SH3GLB2: variants seen among roughly 807,000 people sequenced by gnomAD.
The protein encoded by SH3GLB2 is endophilin-B2.
Under a neutral mutation model 48.0 loss-of-function variants are expected in SH3GLB2, and 24 were observed. The ratio of observed to expected loss-of-function variants is 0.50; its 90% CI spans 0.36 to 0.70. The LOEUF is 0.70. SH3GLB2 is among the 30% of genes least tolerant of loss of function. The pLI, the probability that SH3GLB2 is intolerant of heterozygous loss-of-function variation, is 0.00. For synonymous variants in SH3GLB2, 227 were observed against 207.6 expected, an observed-to-expected ratio of 1.09 and a Z score of -0.80; for missense variants, 425 against 516.0, an observed-to-expected ratio of 0.82 and a Z score of 1.71.
intron 8 of SH3GLB2, 26 bp downstream of exon 8, chr9:129,010,094 T>C: frequency 6.2e-7 from 1 of 1,603,108 alleles, no homozygotes; most frequent in Non-Finnish European, 8.5e-7. Context: ...GGGTTAGGTT[T>C]AGTGAGGGTG....
chr9:129,023,990 A>G (rs1564586277), intron 1 of SH3GLB2, among the ~76,000 whole-genome samples: 1 of 152,206 alleles, frequency 6.6e-6, no homozygotes, highest in African/African-American at 2.4e-5. Context: ...CCAAGGCTCG[A>G]AGAGGCAAAG....
At chr9:129,022,901 A>G (rs1843898728) in intron 1 of SH3GLB2, among the ~76,000 whole-genome samples, 1 of 152,138 alleles carries the variant, frequency 6.6e-6, no homozygotes, top group East Asian at 1.9e-4. Flanking sequence ...GAGGGAGAGG[A>G]AGAACCCAGG....
intron 3 of SH3GLB2, among the ~76,000 whole-genome samples, chr9:129,020,733 G>C (rs1368370793): frequency 2.0e-5 from 3 of 151,830 alleles, no homozygotes; most frequent in Admixed American, 2.0e-4. Flanking sequence ...AGCCAGGCGT[G>C]GTCACGGGCG....
In SH3GLB2 at chr9:129,010,103, T is replaced by TG. The variant is rs768594101; in HGVS notation, c.738+16dup. On this transcript the variant is annotated intron_variant, in intron 8 of 10. Coordinates refer to ENST00000372564, the MANE Select transcript of SH3GLB2 (RefSeq NM_020145.4). ...TGCTGAGGGTTAGGTTTAGTGAGGG[T>TG]GGGCAGTGGGACTCACGTGAGTGCT... 2 of 1,609,294 alleles carry TG rather than the reference T, an allele frequency of 1.2e-6. No individual in the cohort carries two copies. The highest frequency in any genetic ancestry group is 1.7e-6 in the Non-Finnish European group (2 of 1,175,768).
In SH3GLB2 at chr9:129,028,107, G is replaced by T; in HGVS notation, c.48C>A (p.Phe16Leu). 6.7e-7 allele frequency: 1 copy of T among 1,500,522 alleles called. No homozygotes were observed. Among genetic ancestry groups the T allele is most frequent in the Non-Finnish European group, 8.9e-7 (1 of 1,127,594 alleles). The allele number at this position is 1,500,522 out of a possible 1,614,324, so 93.0% of individuals were successfully genotyped here. ...CAGGCCTCACCTGCACCGCCCGGGT[G>T]AAGAAGATGCCCGCGTCCGACGCCA... The part of the protein sequence containing the change: ...KKLASDAGIF[F>L]TRAVQFTEEK... The change falls in exon 1 of 11, where the codon TTC (phenylalanine) becomes TTA (leucine). Residue 16 changes from phenylalanine (F) to leucine (L), a missense_variant. Physicochemically the swap from Phe to Leu is conservative, Grantham distance 22. Coordinates refer to ENST00000372564, the MANE Select transcript of SH3GLB2 (RefSeq NM_020145.4).
intron 3 of SH3GLB2, among the ~76,000 whole-genome samples, chr9:129,015,487 G>T (rs1183827256): frequency 6.6e-6 from 1 of 151,918 alleles, no homozygotes; most frequent in Non-Finnish European, 1.5e-5. Flanking sequence ...TGTAATCTCA[G>T]CACTTTGGAA....
At chr9:129,018,388 C>A (rs200115624) in intron 3 of SH3GLB2, among the ~76,000 whole-genome samples, 1 of 151,502 alleles carries the variant, frequency 6.6e-6, no homozygotes, top group East Asian at 1.9e-4. Flanking sequence ...CCAGCCTGGC[C>A]AACATGGTGA....
rs1345779302 is a variant in SH3GLB2 at position 129,021,218 on chromosome 9, A to C, written c.207T>G (p.Ser69Arg). 1 of 1,601,334 alleles carries C rather than the reference A, an allele frequency of 6.2e-7. No homozygotes were observed. The highest frequency in any genetic ancestry group is 8.5e-7 in the Non-Finnish European group (1 of 1,175,716). The change falls in exon 3 of 11, where the codon AGT (serine) becomes AGG (arginine). Residue 69 changes from serine (S) to arginine (R), a missense_variant and splice_region_variant. Physicochemically the swap from Ser to Arg is moderately radical, Grantham distance 110. Transcript: ENST00000372564. ...CATACAGGAACTCCTCCACTCGGGC[A>C]CCTGTGGGGAGACAGCAGCCAAAGC... ...QTEVLLQPNP[S>R]ARVEEFLYEK...
intron 5 of SH3GLB2, chr9:129,012,991 G>A (rs1843212808): frequency 1.3e-6 from 2 of 1,550,972 alleles, no homozygotes; most frequent in Admixed American, 2.0e-5. Flanking sequence ...CACAGCGCGT[G>A]GGACAGGTAT....
intron 7 of SH3GLB2, 109 bp from the exon 8 acceptor site, chr9:129,010,318 C>G (rs1052153293): frequency 1.1e-6 from 1 of 911,508 alleles, no homozygotes; most frequent in Non-Finnish European, 1.7e-6. Context: ...CCTGGGAACA[C>G]AGAGAGCCTT....
In SH3GLB2 at chr9:129,014,997, A is replaced by G. The variant is rs1263438394; in HGVS notation, c.335-93T>C. On this transcript the variant is annotated intron_variant, in intron 3 of 10. Transcript: ENST00000372564. This position sits in a 1 kb window ranked among gnomAD's most constrained non-coding sequence, Gnocchi z 4.1. Reference sequence around the variant, plus strand: ...GCTCAGGAAGAGCTTGCTGAAGAGCAAGGGCCGGGGTGCTCAGTGCAGAAT... The same window carrying G: ...GCTCAGGAAGAGCTTGCTGAAGAGCGAGGGCCGGGGTGCTCAGTGCAGAAT... The G allele has an allele frequency of 1.1e-5, 17 of 1,517,158 alleles. No individual in the cohort carries two copies. The Admixed American group carries it at 1.4e-4, about 13-fold the overall frequency. 94.0% of individuals were successfully genotyped at this position (1,517,158 alleles called of 1,614,324 possible).
In SH3GLB2 at chr9:129,014,353, C is replaced by T; in HGVS notation, c.561+58G>A. ...AATACCAGGTCCCTTCATGCCACCA[C>T]CCCTTGGCTCCAGCCAGAGCCTGGG... On this transcript the variant is annotated intron_variant, in intron 5 of 10. Transcript: ENST00000372564. The surrounding 1 kb of genome is among the most constrained non-coding windows in gnomAD (Gnocchi z 4.1). 5 of 1,487,642 alleles carry T rather than the reference C, an allele frequency of 3.4e-6. No homozygotes were observed. Among genetic ancestry groups the T allele is most frequent in the African/African-American group, 1.4e-5 (1 of 71,870 alleles). 92.2% of individuals were successfully genotyped at this position (1,487,642 alleles called of 1,614,324 possible).
Position 129,021,199 on chromosome 9 carries a change from G to A in SH3GLB2, c.226C>T (p.Leu76=). 6.2e-7 allele frequency: 1 copy of A among 1,610,162 alleles called. No homozygotes were observed. The part of the protein sequence containing the change: ...PNPSARVEEF[L]YEKLDRKVPS... Reference sequence around the variant, plus strand: ...ACCTTCCTGTCCAGCTTCTCATACAGGAACTCCTCCACTCGGGCACCTGTG... The same window carrying A: ...ACCTTCCTGTCCAGCTTCTCATACAAGAACTCCTCCACTCGGGCACCTGTG... Residue 76 remains leucine, a synonymous_variant, in exon 3 of 11, where the codon CTG becomes TTG. Coordinates refer to ENST00000372564, the MANE Select transcript of SH3GLB2 (RefSeq NM_020145.4).
At chr9:129,013,696 C>T (rs1843254428) in intron 5 of SH3GLB2, 1 of 197,038 alleles carries the variant, frequency 5.1e-6, no homozygotes, top group Non-Finnish European at 1.1e-5. Context: ...TAGCCATCTC[C>T]CTAGTAGGCC....
In SH3GLB2 at chr9:129,008,604, C is replaced by A; in HGVS notation, c.*80G>T. The A allele has an allele frequency of 9.1e-7, 1 of 1,093,140 alleles. No individual in the cohort carries two copies. Among genetic ancestry groups the A allele is most frequent in the Non-Finnish European group, 1.4e-6 (1 of 723,260 alleles). 67.7% of individuals were successfully genotyped at this position (1,093,140 alleles called of 1,614,324 possible). On this transcript the variant is annotated 3_prime_UTR_variant, in exon 11 of 11. Coordinates refer to ENST00000372564, the MANE Select transcript of SH3GLB2 (RefSeq NM_020145.4). ...CTCCCCACTCTGAACAACTGTGTCA[C>A]CAACAAACAAGTTAAGTGGCAGGGC...
In SH3GLB2 at chr9:129,014,757, C is replaced by G. The variant is rs1017671212; in HGVS notation, c.468+14G>C. Reference sequence around the variant, plus strand: ...CATGGTTACCAGGAAGCGGAATAGTCCCAGGGCCCTCACCGAGATGGTCTT... The same window carrying G: ...CATGGTTACCAGGAAGCGGAATAGTGCCAGGGCCCTCACCGAGATGGTCTT... On this transcript the variant is annotated intron_variant, in intron 4 of 10. Transcript: ENST00000372564. The surrounding 1 kb of genome is among the most constrained non-coding windows in gnomAD (Gnocchi z 4.1). 1 of 1,610,308 alleles carries G rather than the reference C, an allele frequency of 6.2e-7. No individual in the cohort carries two copies.
chr9:129,010,839 G>A, intron 6 of SH3GLB2, 146 bp from the exon 7 acceptor site: 4 of 999,956 alleles, frequency 4.0e-6, no homozygotes, highest in Non-Finnish European at 4.4e-6. Context: ...GCTGAGACTG[G>A]GCCGAGGCCC....
chr9:129,013,967 C>T (rs578177640), intron 5 of SH3GLB2: 11 of 458,004 alleles, frequency 2.4e-5, no homozygotes, highest in African/African-American at 6.0e-5. Context: ...CCTGAGCAAG[C>T]GGGCGGTCCA....
At position 129,010,318 on chromosome 9, in the gene SH3GLB2, CAGAG is replaced by C. The variant is rs1345417578; in HGVS notation, c.649-113_649-110del. On this transcript the variant is annotated intron_variant, in intron 7 of 10. Coordinates refer to ENST00000372564, the MANE Select transcript of SH3GLB2 (RefSeq NM_020145.4). ...CGCCTGTCCCTTTCCCCTGGGAACACAGAGAGCCTTCTGGGTCTATGCCTGACTT... is the reference window on the plus strand; with the variant it reads ...CGCCTGTCCCTTTCCCCTGGGAACACAGCCTTCTGGGTCTATGCCTGACTT... The C allele has an allele frequency of 5.5e-6, 5 of 911,508 alleles. No individual in the cohort carries two copies. The East Asian group carries it at 7.8e-5, about 14-fold the overall frequency. The allele number at this position is 911,508 out of a possible 1,614,324, so 56.5% of individuals were successfully genotyped here. A position where few individuals can be genotyped will look rare whatever the true frequency, so the allele number is the denominator to read the frequency against.
Sources: gnomAD v4.1 joint callset for allele counts (sites outside exome capture counted in the v4.1 genomes callset) on GRCh38, gnomAD v4.1.1 for gene constraint, Gnocchi (gnomAD v3.1) non-coding constraint, MANE v1.5 for transcripts, NCBI Gene and HGNC (gene_info 2026-07-23, HGNC 2026-07-21) for gene names.